The following SATB2 variants were observed in gnomAD, a reference collection of about 807,000 sequenced individuals.
SATB2 encodes the protein SATB homeobox 2.
In SATB2, 1 loss-of-function variant was observed where a neutral mutation model predicts 73.4. That is an observed-to-expected ratio of 0.01 (90% confidence interval 0.00 to 0.06). SATB2 has a LOEUF of 0.06. Ranked by LOEUF, SATB2 falls within the 10% of genes least tolerant of loss-of-function variation. SATB2 has a pLI of 1.00. For synonymous variants in SATB2, 397 were observed against 367.0 expected, an observed-to-expected ratio of 1.08 and a Z score of -0.93; for missense variants, 459 against 945.8, an observed-to-expected ratio of 0.49 and a Z score of 6.75.
At chr2:199,306,128 T>C (rs1456944364) in intron 10 of SATB2, among the ~76,000 whole-genome samples, 1 of 152,194 alleles carries the variant, frequency 6.6e-6, no homozygotes, top group Non-Finnish European at 1.5e-5. Flanking sequence ...CCTTGGCTTT[T>C]GGACAATTAC....
Position 199,272,478 on chromosome 2 carries a change from G to A in SATB2, c.1935C>T (p.Ile645=), listed in dbSNP as rs183727190. The change falls in exon 11 of 11, where the codon ATC becomes ATT. Residue 645 remains isoleucine, a synonymous_variant. Transcript: ENST00000417098. This position sits in a 1 kb window ranked among gnomAD's most constrained non-coding sequence, Gnocchi z 6.7. Reference sequence around the variant, plus strand: ...GATCCAGCTGAGCCGAAAGAGTGTGGATGGCTTCCTGGTCTGGGTACAGGC... The same window carrying A: ...GATCCAGCTGAGCCGAAAGAGTGTGAATGGCTTCCTGGTCTGGGTACAGGC... ...DVGLYPDQEA[I]HTLSAQLDLP... 1.4e-4 allele frequency: 229 copies of A among 1,614,174 alleles called. No individual in the cohort carries two copies. The highest frequency in any genetic ancestry group is 6.6e-4 in the Middle Eastern group (4 of 6,062).
rs1462605845 is a variant in SATB2, at chr2:199,308,837, T to C, written c.1663A>G (p.Ile555Val). ...LNLPQHERDV[I>V]YEEESRHHHS... ...TGATGCCTTGACTCCTCCTCATAGA[T>C]GACATCCCTCTCATGCTGGGGAAGG... Residue 555 changes from isoleucine (I) to valine (V), a missense_variant, in exon 10 of 11, where the codon ATC becomes GTC. By Grantham distance (29) the Ile-to-Val change is conservative. Transcript: ENST00000417098. This position sits in a 1 kb window ranked among gnomAD's most constrained non-coding sequence, Gnocchi z 4.6. 9.3e-6 allele frequency: 15 copies of C among 1,613,954 alleles called. No homozygotes were observed. The highest frequency in any genetic ancestry group is 1.7e-5 in the Admixed American group (1 of 59,994).
At chr2:199,349,241 G>T in intron 6 of SATB2, 68 bp from the exon 7 acceptor site, 1 of 1,183,816 alleles carries the variant, frequency 8.4e-7, no homozygotes, top group Non-Finnish European at 1.2e-6. Context: ...AATATATGTA[G>T]AACTGAATTA....
rs147650295 is a variant in SATB2, at chr2:199,363,552, G to T, written c.700+5053C>A. 1.7e-3 allele frequency among the ~76,000 whole-genome samples: 261 copies of T among 151,962 alleles called. 1 individual carries two copies. The highest frequency in any genetic ancestry group is 6.0e-3 in the African/African-American group (249 of 41,456). ...AAGTCTCAGTGAGGCGAAACAAGTG[G>T]TTTTTTTTGAGATCTATTGTACAGC... On this transcript the variant is annotated intron_variant, in intron 6 of 10. Coordinates refer to ENST00000417098, the MANE Select transcript of SATB2 (RefSeq NM_001172509.2).
At chr2:199,451,769 A>C (rs1463697145) in intron 2 of SATB2, among the ~76,000 whole-genome samples, 1 of 152,138 alleles carries the variant, frequency 6.6e-6, no homozygotes, top group Non-Finnish European at 1.5e-5. Context: ...TGTTGTAGAC[A>C]ATGTTCAGCT....
At chr2:199,348,511 CAATT>C (rs1353964719) in intron 7 of SATB2, 186 bp downstream of exon 7, 4 of 629,762 alleles carry the variant, frequency 6.4e-6, no homozygotes, top group South Asian at 3.8e-5. Flanking sequence ...CAAAATTAAT[CAATT>C]AGTTAATTAA....
intron 3 of SATB2, among the ~76,000 whole-genome samples, chr2:199,384,398 G>C (rs1689868036): frequency 6.6e-6 from 1 of 152,214 alleles, no homozygotes; most frequent in Admixed American, 6.5e-5. Context: ...GCAGGTACAA[G>C]ATCTGCTAGG....
chr2:199,391,232 G>A, intron 3 of SATB2, among the ~76,000 whole-genome samples: 1 of 152,024 alleles, frequency 6.6e-6, no homozygotes, highest in South Asian at 2.1e-4. Flanking sequence ...GATCACAAGG[G>A]ACAGAGATCG....
At chr2:199,440,446 T>C (rs1691782507) in intron 2 of SATB2, among the ~76,000 whole-genome samples, 2 of 152,216 alleles carry the variant, frequency 1.3e-5, no homozygotes, top group South Asian at 2.1e-4. Context: ...AGCTAGGTCT[T>C]CACAGTATAA....
chr2:199,395,032 A>G (rs1469363742), intron 3 of SATB2, among the ~76,000 whole-genome samples: 3 of 152,128 alleles, frequency 2.0e-5, no homozygotes, highest in African/African-American at 7.2e-5. Flanking sequence ...ATACATGGGG[A>G]GAAAAGCATG....
At chr2:199,434,174 A>G (rs188045966) in intron 2 of SATB2, among the ~76,000 whole-genome samples, 1 of 152,262 alleles carries the variant, frequency 6.6e-6, no homozygotes, top group Admixed American at 6.5e-5. Flanking sequence ...ACATGATCAT[A>G]AACATCTTAA....
chr2:199,455,786 A>C lies in SATB2; in HGVS notation c.169+83T>G. On this transcript the variant is annotated intron_variant, in intron 2 of 10. Coordinates refer to ENST00000417098, the MANE Select transcript of SATB2 (RefSeq NM_001172509.2). This position sits in a 1 kb window ranked among gnomAD's most constrained non-coding sequence, Gnocchi z 4.1. ...ACTTCCTGTAATCCTACACCGCGACAGCGCCTAATCAACCTGAACCCTGAC... is the reference window on the plus strand; with the variant it reads ...ACTTCCTGTAATCCTACACCGCGACCGCGCCTAATCAACCTGAACCCTGAC... 2 of 1,436,454 alleles carry C rather than the reference A, an allele frequency of 1.4e-6. No homozygotes were observed. Among genetic ancestry groups the C allele is most frequent in the Non-Finnish European group, 1.9e-6 (2 of 1,058,282 alleles). The allele number at this position is 1,436,454 out of a possible 1,614,324, so 89.0% of individuals were successfully genotyped here.
intron 3 of SATB2, among the ~76,000 whole-genome samples, chr2:199,401,006 G>A (rs1690456353): frequency 6.6e-6 from 1 of 152,042 alleles, no homozygotes; most frequent in Non-Finnish European, 1.5e-5. Flanking sequence ...AATTCAATCA[G>A]GTGTATTTTG....
upstream of SATB2, among the ~76,000 whole-genome samples, chr2:199,462,593 G>C (rs1263611962): frequency 6.6e-6 from 1 of 152,150 alleles, no homozygotes; most frequent in South Asian, 2.1e-4. The surrounding 1 kb of genome is among the most constrained non-coding windows in gnomAD (Gnocchi z 5.9). Flanking sequence ...TGGCATCAGA[G>C]CCGGACAAAT....
At chr2:199,390,731 TATGTG>T (rs1690104806) in intron 3 of SATB2, among the ~76,000 whole-genome samples, 1 of 152,178 alleles carries the variant, frequency 6.6e-6, no homozygotes, top group South Asian at 2.1e-4. Flanking sequence ...CCTCATTAAT[TATGTG>T]TATTCTTTTC....
intron 6 of SATB2, among the ~76,000 whole-genome samples, chr2:199,356,437 G>A (rs538821083): frequency 3.3e-5 from 5 of 152,038 alleles, no homozygotes; most frequent in African/African-American, 1.2e-4. Context: ...AAAGATACTC[G>A]AGCATATGAA....
chr2:199,298,491 G>A (rs1687184281), intron 10 of SATB2, among the ~76,000 whole-genome samples: 1 of 152,000 alleles, frequency 6.6e-6, no homozygotes, highest in South Asian at 2.1e-4. Context: ...TTTCCATTTG[G>A]ACGTTTTACA....
chr2:199,459,389 G>C (rs1692409161), upstream of SATB2, among the ~76,000 whole-genome samples: 1 of 152,148 alleles, frequency 6.6e-6, no homozygotes, highest in African/African-American at 2.4e-5. This position sits in a 1 kb window ranked among gnomAD's most constrained non-coding sequence, Gnocchi z 4.2. Context: ...GGCACTAGCC[G>C]AGCAGGCTGG....
intron 7 of SATB2, chr2:199,348,389 G>A (rs1353747730): frequency 1.1e-5 from 3 of 261,660 alleles, no homozygotes; most frequent in African/African-American, 4.5e-5. Flanking sequence ...TCAAGATCAG[G>A]GTTACATCTG....
Sources: gnomAD v4.1 joint callset for allele counts (sites outside exome capture counted in the v4.1 genomes callset) on GRCh38, gnomAD v4.1.1 for gene constraint, Gnocchi (gnomAD v3.1) non-coding constraint, MANE v1.5 for transcripts, NCBI Gene and HGNC (gene_info 2026-07-23, HGNC 2026-07-21) for gene names.